PMP22: variants seen among roughly 807,000 people sequenced by gnomAD.
PMP22 encodes peripheral myelin protein 22.
PMP22 carries 2 observed loss-of-function variants against 18.9 expected under a neutral mutation model. The observed-to-expected ratio is 0.11, with a 90% confidence interval of 0.04 to 0.33. The LOEUF (loss-of-function observed/expected upper bound fraction) is 0.33. PMP22 is among the 10% of genes least tolerant of loss of function. PMP22 has a pLI of 1.00. For missense variants in PMP22, 169 were observed against 202.2 expected (o/e 0.84, Z 1.00); for synonymous variants, 95 against 89.2 (o/e 1.07, Z -0.37).
rs1462848374 is a variant in PMP22 at position 15,230,778 on chromosome 17, C to A, written c.*139G>T. On this transcript the variant is annotated 3_prime_UTR_variant, in exon 5 of 5. Coordinates refer to ENST00000312280, the MANE Select transcript of PMP22 (RefSeq NM_000304.4). Reference sequence around the variant, plus strand: ...ATATACATCTTCAATCAACAGCAACCCCCACCTCCACTGCTTTCTGTTTGG... The same window carrying A: ...ATATACATCTTCAATCAACAGCAACACCCACCTCCACTGCTTTCTGTTTGG... 1 of 830,184 alleles carries A rather than the reference C, an allele frequency of 1.2e-6. No individual in the cohort carries two copies. The highest frequency in any genetic ancestry group is 2.0e-6 in the Non-Finnish European group (1 of 495,982). 51.4% of individuals were successfully genotyped at this position (830,184 alleles called of 1,614,324 possible). A position where few individuals can be genotyped will look rare whatever the true frequency, so the allele number is the denominator to read the frequency against.
intron 3 of PMP22, among the ~76,000 whole-genome samples, chr17:15,245,890 G>A (rs1907762366): frequency 6.6e-6 from 1 of 152,044 alleles, no homozygotes; most frequent in Non-Finnish European, 1.5e-5. Flanking sequence ...GCGGGCGCCT[G>A]TAGTCCCAGC....
intron 3 of PMP22, among the ~76,000 whole-genome samples, chr17:15,241,530 G>A (rs1330930161): frequency 6.6e-6 from 1 of 152,106 alleles, no homozygotes; most frequent in Non-Finnish European, 1.5e-5. Context: ...CTCCAATCCT[G>A]AGATACTGTC....
chr17:15,243,948 AG>A (rs1907569551), intron 3 of PMP22, among the ~76,000 whole-genome samples: 1 of 152,116 alleles, frequency 6.6e-6, no homozygotes, highest in Non-Finnish European at 1.5e-5. Flanking sequence ...TAAATTTGGT[AG>A]ATAATACACA....
chr17:15,234,417 G>A (rs984287962), intron 4 of PMP22, among the ~76,000 whole-genome samples: 3 of 152,192 alleles, frequency 2.0e-5, no homozygotes, highest in African/African-American at 7.2e-5. Context: ...AAGTTGGCTG[G>A]AAAGGGATGT....
chr17:15,254,959 CAAT>C (rs1375843857), intron 3 of PMP22, among the ~76,000 whole-genome samples: 1 of 152,148 alleles, frequency 6.6e-6, no homozygotes, highest in African/African-American at 2.4e-5. Context: ...AACTCTGTCT[CAAT>C]AATAATAATA....
chr17:15,251,446 G>A (rs776902461), intron 3 of PMP22, among the ~76,000 whole-genome samples: 1 of 151,978 alleles, frequency 6.6e-6, no homozygotes, highest in Non-Finnish European at 1.5e-5. Context: ...CATAGGACAG[G>A]CTCAATAGAG....
At position 15,239,608 on chromosome 17, in the gene PMP22, C is replaced by A; in HGVS notation, c.182G>T (p.Trp61Leu). ...HHCFSSSPNEWLQSVQATMIL... is the reference protein window; with the variant it reads ...HHCFSSSPNELLQSVQATMIL... ...CATGGTGGCCTGGACAGACTGCAGC[C>A]ATTCTGGGGGAAAGAGACACTTGGT... The change falls in exon 4 of 5, where the codon TGG (tryptophan) becomes TTG (leucine). Residue 61 changes from tryptophan (W) to leucine (L), a missense_variant. Transcript: ENST00000312280. 1 of 1,613,888 alleles carries A rather than the reference C, an allele frequency of 6.2e-7. No homozygotes were observed. Among genetic ancestry groups the A allele is most frequent in the Non-Finnish European group, 8.5e-7 (1 of 1,179,886 alleles).
Position 15,239,550 on chromosome 17 carries a change from C to G in PMP22, c.240G>C (p.Leu80=), listed in dbSNP as rs769945527. The G allele has an allele frequency of 1.9e-6, 3 of 1,614,032 alleles. No individual in the cohort carries two copies. The highest frequency in any genetic ancestry group is 1.7e-6 in the Non-Finnish European group (2 of 1,179,900). Residue 80 remains leucine (L), a synonymous_variant, in exon 4 of 5, where the codon CTG becomes CTC. Transcript: ENST00000312280. ...TGAAGAGTTGGCAGAAGAACAGGAA[C>G]AGAGACAGAATGCTGAAGATGATCG... ...ILSIIFSILS[L]FLFFCQLFTL... is the part of the protein sequence containing the mutation.
chr17:15,258,971 TC>T lies in PMP22; in HGVS notation c.178+122del. ...CCTGGACTCATGGCTCCCTGTCACA[TC>T]CCACCCCACCCCAGCAACGACATTC... is the stretch of plus-strand genomic sequence containing the variant. On this transcript the variant is annotated intron_variant, in intron 3 of 4. Coordinates refer to ENST00000312280, the MANE Select transcript of PMP22 (RefSeq NM_000304.4). This position sits in a 1 kb window ranked among gnomAD's most constrained non-coding sequence, Gnocchi z 4.1. 1.3e-6 allele frequency: 1 copy of T among 763,070 alleles called. No homozygotes were observed. The highest frequency in any genetic ancestry group is 1.5e-5 in the South Asian group (1 of 67,866). 47.3% of individuals were successfully genotyped at this position (763,070 alleles called of 1,614,324 possible).
At chr17:15,243,600 C>T (rs1907534612) in intron 3 of PMP22, among the ~76,000 whole-genome samples, 1 of 150,476 alleles carries the variant, frequency 6.6e-6, no homozygotes, top group African/African-American at 2.4e-5. Context: ...TTGCTTATTA[C>T]AGTATATGGT....
chr17:15,234,187 G>A (rs949761697), intron 4 of PMP22, among the ~76,000 whole-genome samples: 1 of 152,164 alleles, frequency 6.6e-6, no homozygotes, highest in Admixed American at 6.5e-5. Context: ...GCTGTGGGGT[G>A]AGGGAGAGAG....
chr17:15,230,815 T>C lies in PMP22; in HGVS notation c.*102A>G, dbSNP rs773184749. 1.0e-5 allele frequency: 13 copies of C among 1,294,694 alleles called. No individual in the cohort carries two copies. The Admixed American group carries it at 1.7e-4, about 17-fold the overall frequency. 80.2% of individuals were successfully genotyped at this position (1,294,694 alleles called of 1,614,324 possible). On this transcript the variant is annotated 3_prime_UTR_variant, in exon 5 of 5. Transcript: ENST00000312280. The stretch of plus-strand genomic sequence containing the variant: ...TGCTTTCTGTTTGGTTTGGTTTGAG[T>C]TTGGGATTTTGGGCTAGCTCTTTTT...
intron 1 of PMP22, among the ~76,000 whole-genome samples, chr17:15,264,732 G>A (rs1909596361): frequency 6.6e-6 from 1 of 152,166 alleles, no homozygotes; most frequent in African/African-American, 2.4e-5. Flanking sequence ...AATGGTGGCA[G>A]AGGAAGTGCT....
At chr17:15,263,284 A>AGTCGGGCTTGGCT (rs1909484040) in intron 1 of PMP22, among the ~76,000 whole-genome samples, 1 of 152,092 alleles carries the variant, frequency 6.6e-6, no homozygotes, top group Non-Finnish European at 1.5e-5. Context: ...TTCCTGCAGC[A>AGTCGGGCTTGGCT]GTCGGGCTTG....
chr17:15,259,987 A>C (rs1203450770), intron 2 of PMP22, among the ~76,000 whole-genome samples: 4 of 151,876 alleles, frequency 2.6e-5, no homozygotes, highest in African/African-American at 9.7e-5. Context: ...GAAAAAGAAA[A>C]TCATGCTTAC....
At chr17:15,254,788 T>C (rs955760326) in intron 3 of PMP22, among the ~76,000 whole-genome samples, 6 of 151,930 alleles carry the variant, frequency 3.9e-5, no homozygotes, top group South Asian at 2.1e-4. Context: ...AGAAAGCCCG[T>C]CTCTACTAAA....
chr17:15,239,369 T>C, intron 4 of PMP22, 102 bp downstream of exon 4: 1 of 1,343,978 alleles, frequency 7.4e-7, no homozygotes, highest in Non-Finnish European at 1.1e-6. Flanking sequence ...GGGAGACTCA[T>C]GAACATCAGT....
chr17:15,263,001 A>G (rs1909463522), intron 1 of PMP22, among the ~76,000 whole-genome samples: 1 of 152,204 alleles, frequency 6.6e-6, no homozygotes, highest in South Asian at 2.1e-4. Flanking sequence ...GAGCGCTGGA[A>G]GAAGTCCCTC....
At chr17:15,253,917 A>G (rs897465163) in intron 3 of PMP22, among the ~76,000 whole-genome samples, 4 of 152,354 alleles carry the variant, frequency 2.6e-5, no homozygotes, top group African/African-American at 9.6e-5. Context: ...CCAGTAAAAC[A>G]TAAGCTCTTG....
Sources: gnomAD v4.1 joint callset for allele counts (sites outside exome capture counted in the v4.1 genomes callset) on GRCh38, gnomAD v4.1.1 for gene constraint, Gnocchi (gnomAD v3.1) non-coding constraint, MANE v1.5 for transcripts, NCBI Gene and HGNC (gene_info 2026-07-23, HGNC 2026-07-21) for gene names.